The following ZNF333 variants were observed in gnomAD, a reference collection of about 807,000 sequenced individuals.
ZNF333 encodes the protein zinc finger protein 333.
A neutral mutation model predicts 76.1 loss-of-function variants in ZNF333; 61 were observed. The ratio of observed to expected loss-of-function variants is 0.80; its 90% CI spans 0.65 to 0.99. The LOEUF (loss-of-function observed/expected upper bound fraction) is 0.99, where lower values mean the gene tolerates loss of function less well. ZNF333 is among the 50% of genes least tolerant of loss of function. The probability of loss-of-function intolerance (pLI) is 0.00; values close to 1 mark genes in which losing one functional copy is unlikely to be tolerated. For missense variants in ZNF333, 717 were observed against 822.4 expected, an observed-to-expected ratio of 0.87 and a Z score of 1.57; for synonymous variants, 284 against 305.0, an observed-to-expected ratio of 0.93 and a Z score of 0.72.
intron 7 of ZNF333, chr19:14,709,329 T>C (rs1014125668): frequency 1.3e-5 from 2 of 152,256 alleles, no homozygotes; most frequent in Non-Finnish European, 2.9e-5. Context: ...CATATTGGGC[T>C]AGGGCCCGCC....
At chr19:14,700,941 A>G (rs1359496926) in intron 5 of ZNF333, among the ~76,000 whole-genome samples, 1 of 152,182 alleles carries the variant, frequency 6.6e-6, no homozygotes, top group Non-Finnish European at 1.5e-5. Context: ...TGGAACACAG[A>G]GAAGCCTCAA....
chr19:14,726,827 C>T (rs1263415738), downstream of ZNF333, among the ~76,000 whole-genome samples: 1 of 152,114 alleles, frequency 6.6e-6, no homozygotes. Flanking sequence ...TGGTCACAAC[C>T]CTTTAACCAG....
At chr19:14,716,355 C>G in intron 9 of ZNF333, 117 bp downstream of exon 9, 1 of 1,219,482 alleles carries the variant, frequency 8.2e-7, no homozygotes, top group Non-Finnish European at 1.1e-6. Context: ...GCTTCCTGGG[C>G]TCAGGTGATC....
chr19:14,705,824 A>C (rs2042093500), intron 6 of ZNF333, among the ~76,000 whole-genome samples: 1 of 152,172 alleles, frequency 6.6e-6, no homozygotes, highest in South Asian at 2.1e-4. Context: ...ATGCCTGATA[A>C]TTGAGGTGGA....
At chr19:14,717,186 G>C (rs2042459785) in intron 10 of ZNF333, 97 bp downstream of exon 10, 1 of 963,960 alleles carries the variant, frequency 1.0e-6, no homozygotes, top group East Asian at 2.7e-5. Flanking sequence ...TCATACCTTT[G>C]ACTGAGAAGC....
At position 14,693,504 on chromosome 19, in the gene ZNF333, C is replaced by T. The variant is rs747818325; in HGVS notation, c.3+10C>T. The T allele has an allele frequency of 6.2e-7, 1 of 1,600,814 alleles. No homozygotes were observed. Among genetic ancestry groups the T allele is most frequent in the South Asian group, 1.1e-5 (1 of 89,844 alleles). On this transcript the variant is annotated intron_variant, in intron 2 of 11. Transcript: ENST00000292530. ...TGGCTCCAGTGTCATGGTGAGGAAA[C>T]TGGGGGCTCCTGTGGCTGAAGGGGT...
At chr19:14,712,416 C>T (rs2042304343) in intron 7 of ZNF333, among the ~76,000 whole-genome samples, 1 of 151,964 alleles carries the variant, frequency 6.6e-6, no homozygotes, top group Non-Finnish European at 1.5e-5. Flanking sequence ...GACGGGGTTT[C>T]GTCATGTTGG....
intron 6 of ZNF333, among the ~76,000 whole-genome samples, chr19:14,705,677 C>G (rs2042088537): frequency 6.6e-6 from 1 of 152,240 alleles, no homozygotes; most frequent in South Asian, 2.1e-4. Context: ...TGTTAGGAAC[C>G]AGGCTGCAGA....
chr19:14,731,078 C>T (rs1318077309), intron 11 of ZNF333: 34 of 1,052,576 alleles, frequency 3.2e-5, no homozygotes, highest in Middle Eastern at 2.0e-4. Flanking sequence ...TCTCAAGCAC[C>T]GCCCCTCCTG....
intron 11 of ZNF333, among the ~76,000 whole-genome samples, chr19:14,727,243 T>G (rs2042639073): frequency 6.6e-6 from 1 of 152,154 alleles, no homozygotes; most frequent in South Asian, 2.1e-4. Flanking sequence ...CTAGCCAGGA[T>G]GGTCTCGATC....
exon 12 of ZNF333, chr19:14,731,941 C>T (rs544614676): frequency 6.6e-6 from 1 of 152,222 alleles, no homozygotes; most frequent in African/African-American, 2.4e-5. Context: ...CCTTCCCCAA[C>T]CTCGTCTGTG....
exon 12 of ZNF333, chr19:14,732,364 A>G (rs1164291429): frequency 6.6e-6 from 1 of 152,208 alleles, no homozygotes; most frequent in Non-Finnish European, 1.5e-5. Context: ...TAGGGTAAGC[A>G]TACTTTTATG....
Position 14,719,527 on chromosome 19 carries a change from C to G in ZNF333, c.*202C>G. The G allele has an allele frequency of 9.3e-7, 1 of 1,077,778 alleles. No homozygotes were observed. The highest frequency in any genetic ancestry group is 1.3e-6 in the Non-Finnish European group (1 of 787,946). The allele number at this position is 1,077,778 out of a possible 1,614,324, so 66.8% of individuals were successfully genotyped here. ...CAAAACTAATATGTGGATATATTTT[C>G]ATAGAGGTATAATGACTTATAGTGA... On this transcript the variant is annotated 3_prime_UTR_variant, in exon 12 of 12. Transcript: ENST00000292530.
intron 5 of ZNF333, among the ~76,000 whole-genome samples, chr19:14,702,168 G>A (rs529748335): frequency 4.6e-5 from 7 of 152,242 alleles, no homozygotes; most frequent in African/African-American, 1.4e-4. Context: ...CTCTTTGGTC[G>A]GCTGGTCCAG....
At chr19:14,699,562 GT>G (rs1314374534) in intron 5 of ZNF333, among the ~76,000 whole-genome samples, 12 of 151,988 alleles carry the variant, frequency 7.9e-5, no homozygotes, top group Admixed American at 2.6e-4. Context: ...CCAGGATCGA[GT>G]GATTTTCCTG....
At chr19:14,706,797 C>A (rs565544429) in intron 7 of ZNF333, 24 bp downstream of exon 7, 1 of 1,603,518 alleles carries the variant, frequency 6.2e-7, no homozygotes, top group East Asian at 2.2e-5. Flanking sequence ...GCGTGGAACA[C>A]GTGGCCAGAG....
chr19:14,716,281 CAG>C (rs745652108), intron 9 of ZNF333, 43 bp downstream of exon 9: 177 of 1,585,270 alleles, frequency 1.1e-4, no homozygotes, highest in Non-Finnish European at 1.5e-4. Context: ...TTTTTTGAGA[CAG>C]AGTCTTGCTC....
At chr19:14,708,174 AT>A (rs1219358442) in intron 7 of ZNF333, 4 of 389,574 alleles carry the variant, frequency 1.0e-5, no homozygotes, top group East Asian at 7.3e-5. Flanking sequence ...TGCCCGGCTA[AT>A]TTTTGTATTT....
chr19:14,705,573 G>T (rs900078520), intron 6 of ZNF333, among the ~76,000 whole-genome samples: 1 of 152,198 alleles, frequency 6.6e-6, no homozygotes, highest in Non-Finnish European at 1.5e-5. Context: ...AGGGCCCTGC[G>T]TGTCCTTACC....
Sources: gnomAD v4.1 joint callset for allele counts (sites outside exome capture counted in the v4.1 genomes callset) on GRCh38, gnomAD v4.1.1 for gene constraint, MANE v1.5 for transcripts, NCBI Gene and HGNC (gene_info 2026-07-23, HGNC 2026-07-21) for gene names.